The following TENM2 variants were observed in gnomAD, a reference collection of about 807,000 sequenced individuals.
The protein encoded by TENM2 is teneurin transmembrane protein 2.
In TENM2, 52 loss-of-function variants were observed where a neutral mutation model predicts 245.2. The observed-to-expected ratio is 0.21, with a 90% CI of 0.17 to 0.27. The LOEUF (loss-of-function observed/expected upper bound fraction) is 0.27, where lower values mean the gene tolerates loss of function less well. TENM2 is among the 10% of genes least tolerant of loss of function. The pLI, the probability that TENM2 is intolerant of heterozygous loss-of-function variation, is 1.00. For synonymous variants in TENM2, 1,363 were observed against 1,438.9 expected, an observed-to-expected ratio of 0.95 and a Z score of 1.19; for missense variants, 3,046 against 3,666.8, an observed-to-expected ratio of 0.83 and a Z score of 4.37.
At chr5:168,228,576 C>T (rs938946262) in intron 25 of TENM2, among the ~76,000 whole-genome samples, 2 of 151,490 alleles carry the variant, frequency 1.3e-5, no homozygotes, top group African/African-American at 4.8e-5. Flanking sequence ...GCTGGAAGAA[C>T]AAAACTTTTA....
chr5:167,703,446 T>C (rs569483766), intron 2 of TENM2, among the ~76,000 whole-genome samples: 1 of 149,074 alleles, frequency 6.7e-6, no homozygotes, highest in South Asian at 2.1e-4. Context: ...GTGGGAGAAC[T>C]GCTTGAACCC....
chr5:167,147,441 A>G, the TENM2 span, among the ~76,000 whole-genome samples: 2 of 152,120 alleles, frequency 1.3e-5, no homozygotes, highest in Admixed American at 1.3e-4. Context: ...AACATGCTGA[A>G]TGTCTTTTTT....
chr5:167,880,536 T>C (rs1773794732), intron 3 of TENM2, among the ~76,000 whole-genome samples: 1 of 121,252 alleles, frequency 8.2e-6, no homozygotes, highest in Non-Finnish European at 2.1e-5. Flanking sequence ...TAATACCCCA[T>C]GAGATAAAAG....
At chr5:168,061,075 A>C (rs1789995629) in intron 6 of TENM2, among the ~76,000 whole-genome samples, 2 of 152,228 alleles carry the variant, frequency 1.3e-5, no homozygotes, top group Non-Finnish European at 2.9e-5. Context: ...ACTCCCCTCA[A>C]AACAAGAATG....
At chr5:167,545,272 C>A (rs974305814) in intron 2 of TENM2, among the ~76,000 whole-genome samples, 2 of 152,176 alleles carry the variant, frequency 1.3e-5, no homozygotes, top group Non-Finnish European at 2.9e-5. Context: ...CCAACCACAA[C>A]CTCCATAGAT....
chr5:167,600,780 C>T (rs1393499124), intron 2 of TENM2, among the ~76,000 whole-genome samples: 2 of 152,164 alleles, frequency 1.3e-5, no homozygotes, highest in African/African-American at 2.4e-5. Flanking sequence ...GGTTCATTTG[C>T]TCATCTGGGC....
chr5:167,039,124 A>G, the TENM2 span, among the ~76,000 whole-genome samples: 4 of 152,204 alleles, frequency 2.6e-5, no homozygotes, highest in Non-Finnish European at 5.9e-5. Flanking sequence ...AACCAGAAGC[A>G]TTCTAGGAAG....
chr5:168,016,812 T>C (rs1785697723), intron 5 of TENM2, among the ~76,000 whole-genome samples: 1 of 152,244 alleles, frequency 6.6e-6, no homozygotes, highest in Non-Finnish European at 1.5e-5. Context: ...CTCTCTGAAA[T>C]AGTTTTGTCA....
chr5:168,191,160 T>G (rs148277557), intron 14 of TENM2, among the ~76,000 whole-genome samples: 49 of 152,330 alleles, frequency 3.2e-4, no homozygotes, highest in African/African-American at 1.1e-3. Context: ...AGTTTATTAT[T>G]GCTCTTAGTT....
Position 168,151,164 on chromosome 5 carries a change from T to G in TENM2, c.2423-11447T>G, listed in dbSNP as rs1206874296. On this transcript the variant is annotated intron_variant, in intron 12 of 28. Transcript: ENST00000518659. ...TTCTATGCCCTGCGATCCTTGATAA[T>G]GTCACCTCACACAACTCTTGCGTTT... 5.3e-5 allele frequency among the ~76,000 whole-genome samples: 8 copies of G among 152,358 alleles called. No homozygotes were observed. The South Asian group carries it at 1.7e-3, about 32-fold the overall frequency.
At chr5:168,122,199 C>G (rs575374248) in intron 10 of TENM2, among the ~76,000 whole-genome samples, 97 of 145,758 alleles carry the variant, frequency 6.7e-4, no homozygotes, top group African/African-American at 2.3e-3. Context: ...TTTTTTGAGA[C>G]GGAGTCTCGC....
intron 25 of TENM2, chr5:168,230,764 T>A (rs1764805957): frequency 6.6e-6 from 1 of 152,198 alleles, no homozygotes; most frequent in South Asian, 2.1e-4. Context: ...ACAAGGAGAC[T>A]CTAGAGAGAT....
At chr5:167,582,695 C>G (rs1775174931) in intron 2 of TENM2, among the ~76,000 whole-genome samples, 1 of 152,136 alleles carries the variant, frequency 6.6e-6, no homozygotes, top group Non-Finnish European at 1.5e-5. Flanking sequence ...TTACAGAAAC[C>G]AAGCTGTAAT....
At chr5:168,191,489 G>A (rs1293818974) in intron 14 of TENM2, among the ~76,000 whole-genome samples, 1 of 152,016 alleles carries the variant, frequency 6.6e-6, no homozygotes, top group Admixed American at 6.5e-5. Flanking sequence ...AATTGGGGAT[G>A]CCCCGCCCCA....
chr5:168,068,456 A>C (rs1219713644), intron 7 of TENM2, among the ~76,000 whole-genome samples: 1 of 152,162 alleles, frequency 6.6e-6, no homozygotes, highest in Non-Finnish European at 1.5e-5. Flanking sequence ...CGAAAGTGAT[A>C]GTTTTGTTAC....
the TENM2 span, among the ~76,000 whole-genome samples, chr5:166,985,322 T>C: frequency 2.0e-5 from 3 of 152,262 alleles, no homozygotes; most frequent in African/African-American, 4.8e-5. Flanking sequence ...GCAGTGTGAA[T>C]TGTGGGAAGA....
chr5:167,034,440 C>G, the TENM2 span, among the ~76,000 whole-genome samples: 1 of 151,896 alleles, frequency 6.6e-6, no homozygotes, highest in African/African-American at 2.4e-5. Flanking sequence ...ACCATCCCGG[C>G]TAAAACGGTG....
chr5:167,156,681 TC>T, the TENM2 span, among the ~76,000 whole-genome samples: 1 of 152,078 alleles, frequency 6.6e-6, no homozygotes, highest in East Asian at 1.9e-4. Context: ...AATGAACCAT[TC>T]CGGCCAGGCT....
At chr5:167,232,397 G>A in the TENM2 span, among the ~76,000 whole-genome samples, 2 of 150,944 alleles carry the variant, frequency 1.3e-5, no homozygotes, top group Non-Finnish European at 2.9e-5. Flanking sequence ...TCCCAAGACA[G>A]AGTCTCACTC....
Sources: allele counts gnomAD v4.1 joint callset (sites outside exome capture counted in the v4.1 genomes callset), GRCh38; gene constraint gnomAD v4.1.1; transcripts MANE v1.5; gene names NCBI Gene and HGNC (gene_info 2026-07-23, HGNC 2026-07-21).